The following LRRK2 variants were observed in gnomAD, a reference collection of about 807,000 sequenced individuals.
LRRK2 encodes the protein leucine rich repeat kinase 2.
A neutral mutation model predicts 302.6 loss-of-function variants in LRRK2; 203 were observed. The observed-to-expected ratio is 0.67, with a 90% CI of 0.60 to 0.75. The LOEUF is 0.75. Ranked by LOEUF, LRRK2 falls within the 30% of genes least tolerant of loss-of-function variation. The probability of loss-of-function intolerance (pLI) is 0.00; values close to 1 mark genes in which losing one functional copy is unlikely to be tolerated. For missense variants in LRRK2, 2,830 were observed against 2,951.0 expected, an observed-to-expected ratio of 0.96 and a Z score of 0.95; for synonymous variants, 1,066 against 1,031.9, an observed-to-expected ratio of 1.03 and a Z score of -0.63.
rs1231831211 is a variant in LRRK2, at chr12:40,364,823, G to T, written c.7182-19G>T. On this transcript the variant is annotated intron_variant, in intron 48 of 50. Transcript: ENST00000298910. The stretch of plus-strand genomic sequence containing the variant: ...CTTAATTGGTGGTAAAATTATTAAT[G>T]TATACTTTATGGTTCTAGGGAGGTA... The T allele has an allele frequency of 6.4e-7, 1 of 1,555,256 alleles. No individual in the cohort carries two copies. Among genetic ancestry groups the T allele is most frequent in the African/African-American group, 1.4e-5 (1 of 73,516 alleles).
intron 50 of LRRK2, 180 bp from the exon 51 acceptor site, chr12:40,367,464 G>A: frequency 2.1e-6 from 1 of 472,626 alleles, no homozygotes; most frequent in Non-Finnish European, 3.6e-6. Flanking sequence ...TTTCTATAAT[G>A]TATTATAAAA....
At chr12:40,301,167 A>G (rs1200042026) in intron 25 of LRRK2, 4 of 454,110 alleles carry the variant, frequency 8.8e-6, no homozygotes, top group African/African-American at 8.0e-5. Flanking sequence ...AAGTGGTCTT[A>G]CATTTGAGAA....
chr12:40,315,710 A>G (rs1280564772), intron 33 of LRRK2, among the ~76,000 whole-genome samples: 1 of 152,052 alleles, frequency 6.6e-6, no homozygotes, highest in East Asian at 1.9e-4. Flanking sequence ...GTTTTGACTT[A>G]AGTGAAATGA....
intron 46 of LRRK2, among the ~76,000 whole-genome samples, chr12:40,357,103 C>T (rs1946563676): frequency 6.6e-6 from 1 of 152,164 alleles, no homozygotes; most frequent in Admixed American, 6.5e-5. Context: ...CCCATATCCT[C>T]CCAAGCCTCT....
At chr12:40,313,680 T>A (rs1322665425) in intron 31 of LRRK2, among the ~76,000 whole-genome samples, 1 of 142,246 alleles carries the variant, frequency 7.0e-6, no homozygotes, top group Non-Finnish European at 1.6e-5. Context: ...GGTTAGTGAT[T>A]TATCTTGTTT....
intron 42 of LRRK2, 76 bp from the exon 43 acceptor site, chr12:40,348,332 CT>C (rs1341685793): frequency 2.0e-6 from 2 of 1,012,326 alleles, no homozygotes; most frequent in Admixed American, 1.8e-5. Flanking sequence ...ATGTCTGGAC[CT>C]TTTATAAACA....
In LRRK2 at chr12:40,335,026, G is replaced by T. The variant is rs2136938036; in HGVS notation, c.5817G>T (p.Gly1939=). ...HPSLISLLAA[G]IRPRMLVMEL... ...GTTTGATATCTTTGCTGGCAGCTGG[G>T]ATTCGTCCCCGGATGTTGGTGATGG... Residue 1939 remains glycine (G), a synonymous_variant, in exon 40 of 51, where the codon GGG becomes GGT. Coordinates refer to ENST00000298910, the MANE Select transcript of LRRK2 (RefSeq NM_198578.4). 1 of 1,614,130 alleles carries T rather than the reference G, an allele frequency of 6.2e-7. No homozygotes were observed. The highest frequency in any genetic ancestry group is 1.6e-4 in the Middle Eastern group (1 of 6,062).
chr12:40,300,897 T>C, intron 25 of LRRK2: 2 of 471,132 alleles, frequency 4.2e-6, no homozygotes, highest in Non-Finnish European at 8.8e-6. Context: ...GACATTTAAG[T>C]TGGGTCTGGA....
Position 40,290,328 on chromosome 12 carries a change from T to G in LRRK2, c.2689+2789T>G, listed in dbSNP as rs897696520. On this transcript the variant is annotated intron_variant, in intron 20 of 50. Coordinates refer to ENST00000298910, the MANE Select transcript of LRRK2 (RefSeq NM_198578.4). ...GTATTAAATTTTGTTTTCTAAATTT[T>G]GTTAAGAATTTTGCATCTGTGAGAG... is the stretch of plus-strand genomic sequence containing the variant. 3.3e-5 allele frequency among the ~76,000 whole-genome samples: 5 copies of G among 152,044 alleles called. 1 individual carries two copies. The highest frequency in any genetic ancestry group is 4.8e-5 in the African/African-American group (2 of 41,446).
rs111393400 is a variant in LRRK2, at chr12:40,346,582, A to G, written c.6110-171A>G. The stretch of plus-strand genomic sequence containing the variant: ...ACCTTGGGGGGTGAGATGTTATGAG[A>G]CAGGACAATTAATTGACTTGATCAA... On this transcript the variant is annotated intron_variant, in intron 41 of 50. Coordinates refer to ENST00000298910, the MANE Select transcript of LRRK2 (RefSeq NM_198578.4). 5.9e-5 allele frequency among the ~76,000 whole-genome samples: 9 copies of G among 152,302 alleles called. 1 individual carries two copies. Among genetic ancestry groups the G allele is most frequent in the African/African-American group, 2.2e-4 (9 of 41,554 alleles).
chr12:40,342,578 C>T (rs1439735500), intron 41 of LRRK2, among the ~76,000 whole-genome samples: 3 of 151,556 alleles, frequency 2.0e-5, no homozygotes, highest in Non-Finnish European at 2.9e-5. Context: ...TAAACTCTGC[C>T]TCCAATTTTA....
chr12:40,301,020 A>G (rs1032540600), intron 25 of LRRK2: 9 of 464,542 alleles, frequency 1.9e-5, no homozygotes, highest in African/African-American at 8.0e-5. Flanking sequence ...CCTCTGCCCA[A>G]TTGAGGAAAT....
chr12:40,233,998 A>C (rs1463510826), intron 3 of LRRK2, among the ~76,000 whole-genome samples: 1 of 152,184 alleles, frequency 6.6e-6, no homozygotes, highest in East Asian at 1.9e-4. Context: ...ATTGTAAAAC[A>C]GATTTCTCTT....
intron 11 of LRRK2, 22 bp from the exon 12 acceptor site, chr12:40,257,226 G>A (rs200958981): frequency 3.2e-5 from 48 of 1,480,660 alleles, no homozygotes; most frequent in Non-Finnish European, 4.1e-5. Context: ...ATATCTATAA[G>A]TAACATTTTA....
At chr12:40,349,328 C>T (rs529938813) in intron 43 of LRRK2, among the ~76,000 whole-genome samples, 2 of 152,210 alleles carry the variant, frequency 1.3e-5, no homozygotes, top group African/African-American at 4.8e-5. Context: ...TCTCCTCTCC[C>T]TATTTATTTT....
intron 38 of LRRK2, among the ~76,000 whole-genome samples, chr12:40,324,305 G>T (rs1298464776): frequency 6.6e-6 from 1 of 152,096 alleles, no homozygotes; most frequent in Non-Finnish European, 1.5e-5. Context: ...ATATGTATAT[G>T]TTGTGGAATG....
intron 2 of LRRK2, among the ~76,000 whole-genome samples, chr12:40,226,880 T>C (rs920694676): frequency 7.9e-5 from 12 of 152,172 alleles, no homozygotes; most frequent in African/African-American, 2.9e-4. Context: ...TGCCTGATTC[T>C]GGCCACCTTC....
At chr12:40,334,093 C>G (rs912059681) in intron 39 of LRRK2, among the ~76,000 whole-genome samples, 1 of 152,068 alleles carries the variant, frequency 6.6e-6, no homozygotes, top group Non-Finnish European at 1.5e-5. Context: ...CCTCGGTAAA[C>G]TTTTGTAGTC....
chr12:40,277,378 A>G (rs1231545641), intron 16 of LRRK2, among the ~76,000 whole-genome samples: 1 of 152,202 alleles, frequency 6.6e-6, no homozygotes, highest in Non-Finnish European at 1.5e-5. Flanking sequence ...TACACTCAAC[A>G]TAAATGAAAT....
Sources: gnomAD v4.1 joint callset for allele counts (sites outside exome capture counted in the v4.1 genomes callset) on GRCh38, gnomAD v4.1.1 for gene constraint, MANE v1.5 for transcripts, NCBI Gene and HGNC (gene_info 2026-07-23, HGNC 2026-07-21) for gene names.